PRKN: variants seen among roughly 807,000 people sequenced by gnomAD.
PRKN encodes parkin RBR E3 ubiquitin protein ligase, also known as E3 ubiquitin-protein ligase parkin.
In PRKN, 56 loss-of-function variants were observed where a neutral mutation model predicts 59.5. That is an observed-to-expected ratio of 0.94 (90% CI 0.76 to 1.18). The LOEUF (loss-of-function observed/expected upper bound fraction) is 1.18. Ranked by LOEUF, PRKN falls within the 50% of genes most tolerant of loss-of-function variation. The pLI, the probability that PRKN is intolerant of heterozygous loss-of-function variation, is 0.00. For missense variants in PRKN, 657 were observed against 596.4 expected, an observed-to-expected ratio of 1.10 and a Z score of -1.06; for synonymous variants, 250 against 222.1, an observed-to-expected ratio of 1.13 and a Z score of -1.12.
chr6:162,410,878 CA>C (rs1301867925), intron 2 of PRKN, among the ~76,000 whole-genome samples: 13 of 152,102 alleles, frequency 8.5e-5, no homozygotes, highest in Non-Finnish European at 1.9e-4. Context: ...AGGACTGTGA[CA>C]GGGAAGAAGG....
chr6:162,649,398 A>T (rs1778329648), intron 1 of PRKN, among the ~76,000 whole-genome samples: 1 of 152,186 alleles, frequency 6.6e-6, no homozygotes, highest in African/African-American at 2.4e-5. Context: ...TGATTTTGCC[A>T]GGGCAGCATG....
At chr6:161,782,115 AG>A (rs1218264425) in intron 7 of PRKN, among the ~76,000 whole-genome samples, 1 of 152,198 alleles carries the variant, frequency 6.6e-6, no homozygotes, top group Admixed American at 6.5e-5. Context: ...GGTGCACACA[AG>A]TCTATTAGTT....
At chr6:162,454,072 G>GTA (rs917126373) in intron 1 of PRKN, among the ~76,000 whole-genome samples, 1 of 152,130 alleles carries the variant, frequency 6.6e-6, no homozygotes, top group Admixed American at 6.5e-5. Flanking sequence ...AATAATCATA[G>GTA]TATCTACCTC....
chr6:161,537,681 G>C (rs1174961547), intron 9 of PRKN, among the ~76,000 whole-genome samples: 1 of 152,128 alleles, frequency 6.6e-6, no homozygotes, highest in African/African-American at 2.4e-5. Context: ...TCGATCTCCT[G>C]ACCTCGTGAT....
intron 1 of PRKN, among the ~76,000 whole-genome samples, chr6:162,554,229 C>T (rs550545995): frequency 7.2e-5 from 11 of 152,156 alleles, no homozygotes; most frequent in Admixed American, 1.3e-4. Context: ...AATGGCCAGG[C>T]GCAGTGGCTC....
At chr6:161,953,201 T>C (rs1397818274) in intron 6 of PRKN, among the ~76,000 whole-genome samples, 2 of 152,118 alleles carry the variant, frequency 1.3e-5, no homozygotes, top group Non-Finnish European at 2.9e-5. Flanking sequence ...AACCTCCACC[T>C]CCCGGGTTCA....
chr6:161,845,373 G>A (rs1296582726), intron 6 of PRKN, among the ~76,000 whole-genome samples: 1 of 152,160 alleles, frequency 6.6e-6, no homozygotes, highest in African/African-American at 2.4e-5. Flanking sequence ...AGCACTGAAC[G>A]ACATTCTAAG....
At chr6:162,462,832 G>C (rs1249354648) in intron 1 of PRKN, among the ~76,000 whole-genome samples, 1 of 152,090 alleles carries the variant, frequency 6.6e-6, no homozygotes, top group Admixed American at 6.6e-5. Flanking sequence ...AGTGGCTCAC[G>C]TCTGTAATCC....
intron 1 of PRKN, among the ~76,000 whole-genome samples, chr6:162,591,877 T>C (rs1168945469): frequency 6.6e-6 from 1 of 150,636 alleles, no homozygotes; most frequent in Non-Finnish European, 1.5e-5. Flanking sequence ...CAAATTCCTA[T>C]GTACTGAACT....
rs1240385227 is a variant in PRKN at position 161,413,195 on chromosome 6, C to T, written c.1084-26318G>A. On this transcript the variant is annotated intron_variant, in intron 9 of 11. Transcript: ENST00000366898. This position sits in a 1 kb window ranked among gnomAD's most constrained non-coding sequence, Gnocchi z 4.4. Reference sequence around the variant, plus strand: ...TGCATTTAGGGTCGTGGGACCCCTTCCCATTTATTTGTGGAAACCCACTGT... The same window carrying T: ...TGCATTTAGGGTCGTGGGACCCCTTTCCATTTATTTGTGGAAACCCACTGT... 5.9e-5 allele frequency among the ~76,000 whole-genome samples: 9 copies of T among 152,156 alleles called. No homozygotes were observed. The highest frequency in any genetic ancestry group is 2.2e-4 in the African/African-American group (9 of 41,428).
At chr6:162,341,637 C>A (rs921113588) in intron 2 of PRKN, among the ~76,000 whole-genome samples, 3 of 152,072 alleles carry the variant, frequency 2.0e-5, no homozygotes, top group South Asian at 4.1e-4. Context: ...AACCATCATT[C>A]TCAGCAAACT....
At chr6:162,398,036 C>CAAA (rs10707854) in intron 2 of PRKN, among the ~76,000 whole-genome samples, 143 of 83,752 alleles carry the variant, frequency 1.7e-3, no homozygotes, top group South Asian at 6.3e-3. Context: ...GATTCTGACT[C>CAAA]AAAAAAAAAA....
intron 1 of PRKN, among the ~76,000 whole-genome samples, chr6:162,716,768 GCA>G (rs1778740782): frequency 1.4e-5 from 2 of 139,958 alleles, no homozygotes; most frequent in Admixed American, 7.4e-5. Context: ...GCGCGCGCGC[GCA>G]CGCACACACA....
chr6:161,615,581 C>T (rs1271631071), intron 7 of PRKN, among the ~76,000 whole-genome samples: 3 of 152,232 alleles, frequency 2.0e-5, no homozygotes, highest in South Asian at 2.1e-4. Context: ...CCACAAGCAC[C>T]GGCAAACAGC....
chr6:162,328,702 T>G (rs893995556), intron 2 of PRKN, among the ~76,000 whole-genome samples: 1 of 152,132 alleles, frequency 6.6e-6, no homozygotes, highest in African/African-American at 2.4e-5. Context: ...CAAGCCTTGG[T>G]GAAGCTTCAG....
rs1790230908 is a variant in PRKN at position 161,461,641 on chromosome 6, G to A, written c.1084-74764C>T. The stretch of plus-strand genomic sequence containing the variant: ...AAAGGGTCTGGAATACATGCACGGA[G>A]GATTCTAAGTGCCACTCATTGCAAG... On this transcript the variant is annotated intron_variant, in intron 9 of 11. Coordinates refer to ENST00000366898, the MANE Select transcript of PRKN (RefSeq NM_004562.3). This position sits in a 1 kb window ranked among gnomAD's most constrained non-coding sequence, Gnocchi z 5.1. Among the ~76,000 whole-genome samples the A allele has an allele frequency of 6.6e-6, 1 of 152,098 alleles. No individual in the cohort carries two copies. Among genetic ancestry groups the A allele is most frequent in the African/African-American group, 2.4e-5 (1 of 41,408 alleles).
chr6:162,323,962 T>G (rs527979628), intron 2 of PRKN, among the ~76,000 whole-genome samples: 1 of 152,024 alleles, frequency 6.6e-6, no homozygotes, highest in Non-Finnish European at 1.5e-5. Context: ...TTTATAACAG[T>G]GCAATAGCCA....
intron 2 of PRKN, among the ~76,000 whole-genome samples, chr6:162,395,857 A>C (rs1787448468): frequency 2.0e-5 from 3 of 152,178 alleles, no homozygotes; most frequent in African/African-American, 4.8e-5. Context: ...TTATTATCTG[A>C]GTTATTAACA....
intron 1 of PRKN, among the ~76,000 whole-genome samples, chr6:162,607,802 T>C (rs1781986044): frequency 6.6e-6 from 1 of 152,136 alleles, no homozygotes; most frequent in Non-Finnish European, 1.5e-5. Flanking sequence ...TTACTTTTCA[T>C]TTCCCATGTA....
Sources: allele counts gnomAD v4.1 joint callset (sites outside exome capture counted in the v4.1 genomes callset), GRCh38; gene constraint gnomAD v4.1.1; non-coding constraint Gnocchi (gnomAD v3.1); transcripts MANE v1.5; gene names NCBI Gene and HGNC (gene_info 2026-07-23, HGNC 2026-07-21).